Variants in KCNJ12 observed in about 807,000 individuals in gnomAD.
KCNJ12 encodes ATP-sensitive inward rectifier potassium channel 12.
In KCNJ12, 2 loss-of-function variants were observed where a neutral mutation model predicts 22.3. The ratio of observed to expected loss-of-function variants is 0.09; its 90% CI spans 0.04 to 0.28. KCNJ12 has a LOEUF of 0.28. KCNJ12 is among the 10% of genes least tolerant of loss of function. KCNJ12 has a pLI of 1.00. For missense variants in KCNJ12, 155 were observed against 633.3 expected, an observed-to-expected ratio of 0.24 and a Z score of 8.11; for synonymous variants, 117 against 261.4, an observed-to-expected ratio of 0.45 and a Z score of 5.33.
chr17:21,412,495 G>A (rs797035420), intron 2 of KCNJ12, among the ~76,000 whole-genome samples: 1 of 152,414 alleles, frequency 6.6e-6, no homozygotes, highest in East Asian at 1.9e-4. Context: ...GTCCCTCAAG[G>A]CCCCTGGGCC....
intron 1 of KCNJ12, among the ~76,000 whole-genome samples, chr17:21,388,699 C>T (rs1317004417): frequency 1.3e-5 from 2 of 152,334 alleles, no homozygotes; most frequent in East Asian, 1.9e-4. Context: ...TGGTGCCAGG[C>T]GCTGTGCTCA....
intron 1 of KCNJ12, among the ~76,000 whole-genome samples, chr17:21,385,946 A>G (rs1414509744): frequency 6.6e-6 from 1 of 152,212 alleles, no homozygotes; most frequent in East Asian, 1.9e-4. Context: ...GGGCAAACCC[A>G]CACGCCTACC....
chr17:21,383,119 G>C (rs895810880), intron 1 of KCNJ12, among the ~76,000 whole-genome samples: 3 of 152,210 alleles, frequency 2.0e-5, no homozygotes, highest in Admixed American at 2.0e-4. Context: ...GTGTATGATA[G>C]AGAGGATGAA....
chr17:21,411,584 AC>A (rs1321529139), intron 2 of KCNJ12, among the ~76,000 whole-genome samples: 1 of 152,274 alleles, frequency 6.6e-6, no homozygotes. Context: ...AGTAGTGAGC[AC>A]CTTGTCTTGG....
chr17:21,390,837 T>C (rs1220585013), intron 1 of KCNJ12, among the ~76,000 whole-genome samples: 4 of 152,194 alleles, frequency 2.6e-5, no homozygotes, highest in Non-Finnish European at 4.4e-5. Context: ...TAAGATGAAA[T>C]TAACCATTTA....
intron 2 of KCNJ12, among the ~76,000 whole-genome samples, chr17:21,412,361 G>A (rs1452020688): frequency 1.3e-5 from 2 of 152,304 alleles, no homozygotes; most frequent in Non-Finnish European, 2.9e-5. Flanking sequence ...GGCCAGTTTC[G>A]AGGCCGCCAG....
chr17:21,408,918 C>G (rs1453684520), intron 2 of KCNJ12, among the ~76,000 whole-genome samples: 7 of 152,304 alleles, frequency 4.6e-5, no homozygotes, highest in Non-Finnish European at 8.8e-5. Context: ...GTCCATCTAT[C>G]TGGTCACCCC....
At chr17:21,379,814 G>A (rs542057867) in intron 1 of KCNJ12, among the ~76,000 whole-genome samples, 142 of 152,114 alleles carry the variant, frequency 9.3e-4, no homozygotes, top group Middle Eastern at 3.4e-3. Context: ...CCTGGCAGAG[G>A]CAGGTGGGTT....
intron 1 of KCNJ12, among the ~76,000 whole-genome samples, chr17:21,406,424 CA>C (rs1428552934): frequency 1.3e-5 from 2 of 152,426 alleles, no homozygotes; most frequent in Non-Finnish European, 2.9e-5. Context: ...TCCACCCATC[CA>C]TCTCTGAACC....
intron 2 of KCNJ12, among the ~76,000 whole-genome samples, chr17:21,410,576 C>G (rs1906268088): frequency 6.6e-6 from 1 of 152,304 alleles, no homozygotes. Flanking sequence ...GGGTGAGTGG[C>G]CGTGGGTTGG....
At chr17:21,404,820 T>G (rs1193196219) in intron 1 of KCNJ12, among the ~76,000 whole-genome samples, 8 of 152,246 alleles carry the variant, frequency 5.3e-5, no homozygotes, top group Non-Finnish European at 1.2e-4. Context: ...GTCAGAAACA[T>G]TCCCTGGTGT....
intron 1 of KCNJ12, among the ~76,000 whole-genome samples, chr17:21,395,106 G>A (rs1202594768): frequency 4.0e-5 from 6 of 151,402 alleles, no homozygotes; most frequent in Non-Finnish European, 8.8e-5. Context: ...AAGACCAGCC[G>A]GGGCAATATA....
intron 1 of KCNJ12, among the ~76,000 whole-genome samples, chr17:21,392,874 C>T (rs1418647912): frequency 2.0e-5 from 3 of 152,160 alleles, no homozygotes; most frequent in African/African-American, 7.2e-5. Flanking sequence ...ATAGCTGTGT[C>T]TGAATTTCAT....
intron 1 of KCNJ12, among the ~76,000 whole-genome samples, chr17:21,391,974 C>G (rs1443680299): frequency 6.6e-6 from 1 of 152,218 alleles, no homozygotes; most frequent in Non-Finnish European, 1.5e-5. Context: ...GGCTGGGGCT[C>G]CTCATCTGAA....
intron 1 of KCNJ12, among the ~76,000 whole-genome samples, chr17:21,393,562 G>T (rs1041129888): frequency 6.6e-6 from 1 of 152,156 alleles, no homozygotes; most frequent in African/African-American, 2.4e-5. Context: ...AGACCCCCCC[G>T]TGCGGGTTGA....
intron 2 of KCNJ12, among the ~76,000 whole-genome samples, chr17:21,409,259 G>A (rs1906172981): frequency 6.6e-6 from 1 of 152,312 alleles, no homozygotes; most frequent in African/African-American, 2.4e-5. Context: ...GGTGGAGGAG[G>A]CAGAGGAGAA....
intron 1 of KCNJ12, among the ~76,000 whole-genome samples, chr17:21,387,753 A>ACTTTTAGGTTTCCCTCCAACCCT (rs1188720858): frequency 6.6e-6 from 1 of 152,196 alleles, no homozygotes; most frequent in Admixed American, 6.5e-5. Flanking sequence ...TGAAGCGCTC[A>ACTTTTAGGTTTCCCTCCAACCCT]CTTTTAGGTT....
chr17:21,390,631 C>A (rs1360472326), intron 1 of KCNJ12, among the ~76,000 whole-genome samples: 1 of 152,172 alleles, frequency 6.6e-6, no homozygotes, highest in Non-Finnish European at 1.5e-5. Flanking sequence ...TCTTTCCTTC[C>A]CTCCTTTCTT....
intron 1 of KCNJ12, among the ~76,000 whole-genome samples, chr17:21,395,225 T>A (rs1179277006): frequency 2.0e-5 from 3 of 147,252 alleles, no homozygotes; most frequent in Non-Finnish European, 3.0e-5. Flanking sequence ...AGCCCAGGAG[T>A]TCAAGGCTAC....
Sources: gnomAD v4.1 joint callset for allele counts (sites outside exome capture counted in the v4.1 genomes callset) on GRCh38, gnomAD v4.1.1 for gene constraint, MANE v1.5 for transcripts, NCBI Gene and HGNC (gene_info 2026-07-23, HGNC 2026-07-21) for gene names.